TRIM33: variants seen among roughly 807,000 people sequenced by gnomAD.
TRIM33 encodes the protein tripartite motif containing 33.
Under a neutral mutation model 125.4 loss-of-function variants are expected in TRIM33, and 20 were observed. The ratio of observed to expected loss-of-function variants is 0.16; its 90% CI spans 0.11 to 0.23. The LOEUF (loss-of-function observed/expected upper bound fraction) is 0.23, where lower values mean the gene tolerates loss of function less well. TRIM33 is among the 10% of genes least tolerant of loss of function. The pLI is 1.00. For missense variants in TRIM33, 920 were observed against 1,411.4 expected (o/e 0.65, Z 5.58); for synonymous variants, 564 against 513.9 (o/e 1.10, Z -1.32).
In TRIM33 at chr1:114,393,726, T is replaced by C. The variant is rs1190220678; in HGVS notation, c.*3922A>G. 4.7e-6 allele frequency: 1 copy of C among 211,980 alleles called. No individual in the cohort carries two copies. The highest frequency in any genetic ancestry group is 7.1e-5 in the East Asian group (1 of 14,076). 13.1% of individuals were successfully genotyped at this position (211,980 alleles called of 1,614,324 possible). A position where few individuals can be genotyped will look rare whatever the true frequency, so the allele number is the denominator to read the frequency against. On this transcript the variant is annotated 3_prime_UTR_variant, in exon 20 of 20. Transcript: ENST00000358465. Reference sequence around the variant, plus strand: ...AAATGTCTATGTAAACTGTGGCATATAAATTTTTTTCCTTAAAAAAGTACC... The same window carrying C: ...AAATGTCTATGTAAACTGTGGCATACAAATTTTTTTCCTTAAAAAAGTACC...
chr1:114,411,448 A>G (rs1652582382), intron 11 of TRIM33, among the ~76,000 whole-genome samples: 1 of 152,210 alleles, frequency 6.6e-6, no homozygotes, highest in African/African-American at 2.4e-5. Context: ...TTGGCCAAGG[A>G]TGCACTTGCA....
At chr1:114,465,691 C>A (rs1413445430) in intron 1 of TRIM33, among the ~76,000 whole-genome samples, 1 of 151,860 alleles carries the variant, frequency 6.6e-6, no homozygotes, top group African/African-American at 2.4e-5. Context: ...ATATTTAAAA[C>A]AAAATACTGT....
intron 4 of TRIM33, among the ~76,000 whole-genome samples, chr1:114,436,010 C>T (rs1458939364): frequency 1.3e-5 from 2 of 149,592 alleles, no homozygotes; most frequent in Admixed American, 6.7e-5. Context: ...ATTACAGACA[C>T]GAGCCACCAC....
At chr1:114,434,816 C>T (rs931539888) in intron 4 of TRIM33, among the ~76,000 whole-genome samples, 1 of 152,142 alleles carries the variant, frequency 6.6e-6, no homozygotes, top group Non-Finnish European at 1.5e-5. Context: ...CTGCCTAAAT[C>T]GGCCTCAATA....
At chr1:114,437,762 T>C (rs1405338553) in intron 4 of TRIM33, among the ~76,000 whole-genome samples, 6 of 152,226 alleles carry the variant, frequency 3.9e-5, no homozygotes, top group Non-Finnish European at 8.8e-5. Flanking sequence ...GTAAAACTTT[T>C]TGTGCTTCTG....
At chr1:114,420,656 A>T (rs1051447561) in intron 11 of TRIM33, among the ~76,000 whole-genome samples, 3 of 152,142 alleles carry the variant, frequency 2.0e-5, no homozygotes. Flanking sequence ...TTTTTTGTTT[A>T]ACTGGCAAAT....
At chr1:114,428,958 G>A (rs947696966) in intron 6 of TRIM33, among the ~76,000 whole-genome samples, 2 of 151,506 alleles carry the variant, frequency 1.3e-5, no homozygotes, top group African/African-American at 2.4e-5. Context: ...AGGCTCAAGG[G>A]ATCTTAAGAA....
At chr1:114,428,509 C>A (rs910429716) in intron 6 of TRIM33, among the ~76,000 whole-genome samples, 9 of 152,130 alleles carry the variant, frequency 5.9e-5, no homozygotes, top group African/African-American at 2.2e-4. Flanking sequence ...CTAAAATCAC[C>A]CCAGGAGGGA....
chr1:114,469,310 T>A (rs1650495867), intron 1 of TRIM33: 1 of 184,334 alleles, frequency 5.4e-6, no homozygotes, highest in South Asian at 1.4e-4. Context: ...TTTTACAACG[T>A]GTGTTGTGGA....
At chr1:114,408,777 A>G (rs768200630) in intron 12 of TRIM33, 37 bp from the exon 13 acceptor site, 3 of 1,353,262 alleles carry the variant, frequency 2.2e-6, no homozygotes, top group African/African-American at 2.9e-5. Context: ...ATCAATGCAT[A>G]TAAGAATATT....
Position 114,510,979 on chromosome 1 carries a change from T to C in TRIM33, c.98A>G (p.Glu33Gly), listed in dbSNP as rs1290607653. The change falls in exon 1 of 20, where the codon GAG (glutamate) becomes GGG (glycine). Residue 33 changes from glutamate to glycine, a missense_variant. This residue lies in a region of TRIM33 where 233 missense variants were observed against 189.6 expected (regional missense o/e 1.23). Transcript: ENST00000358465. ...TAGAAGPAAQEAEPPLTAVLV... is the reference protein window; with the variant it reads ...TAGAAGPAAQGAEPPLTAVLV... ...CACCGCGGTGAGAGGCGGCTCCGCC[T>C]CCTGCGCGGCGGGCCCGGCGGCCCC... 5 of 1,353,584 alleles carry C rather than the reference T, an allele frequency of 3.7e-6. No individual in the cohort carries two copies. In the Admixed American group the frequency reaches 1.3e-4, roughly 35 times the overall value. 83.8% of individuals were successfully genotyped at this position (1,353,584 alleles called of 1,614,324 possible).
At chr1:114,481,033 G>A (rs1291310824) in intron 1 of TRIM33, among the ~76,000 whole-genome samples, 2 of 152,028 alleles carry the variant, frequency 1.3e-5, no homozygotes, top group African/African-American at 2.4e-5. Context: ...TTAGCCAGGT[G>A]TGGTGGCGCA....
At chr1:114,435,877 CTTTT>C (rs34327766) in intron 4 of TRIM33, among the ~76,000 whole-genome samples, 5 of 73,338 alleles carry the variant, frequency 6.8e-5, no homozygotes, top group South Asian at 5.8e-4. Flanking sequence ...TAGACACCCG[CTTTT>C]TTTTTTTTTT....
intron 1 of TRIM33, among the ~76,000 whole-genome samples, chr1:114,473,052 A>C (rs1003053654): frequency 1.2e-4 from 18 of 151,910 alleles, no homozygotes; most frequent in Admixed American, 1.2e-3. Context: ...GTCAAGAGAT[A>C]GAGACCATCC....
At chr1:114,449,202 C>T (rs1649171253) in intron 4 of TRIM33, among the ~76,000 whole-genome samples, 1 of 151,924 alleles carries the variant, frequency 6.6e-6, no homozygotes. Flanking sequence ...TACCTCCAGG[C>T]CCAGTCATAC....
Position 114,397,589 on chromosome 1 carries a change from G to GGT in TRIM33, c.*58_*59insAC, listed in dbSNP as rs1651608861. The GGT allele has an allele frequency of 2.5e-5, 16 of 640,656 alleles. No homozygotes were observed. The highest frequency in any genetic ancestry group is 5.5e-5 in the African/African-American group (2 of 36,472). The allele number at this position is 640,656 out of a possible 1,614,324, so 39.7% of individuals were successfully genotyped here. A position where few individuals can be genotyped will look rare whatever the true frequency, so the allele number is the denominator to read the frequency against. On this transcript the variant is annotated 3_prime_UTR_variant, in exon 20 of 20. Transcript: ENST00000358465. ...CTTAAAAGTTTTCTGGGTTTTTTGT[G>GGT]TTTTTTTTTTTTTTTTCGTTTTTTT...
chr1:114,415,541 A>G (rs1327350799), intron 11 of TRIM33, among the ~76,000 whole-genome samples: 2 of 151,560 alleles, frequency 1.3e-5, no homozygotes, highest in Non-Finnish European at 2.9e-5. Flanking sequence ...TATCTCATAT[A>G]AAGTTTATTC....
At chr1:114,471,190 T>G (rs1260168930) in intron 1 of TRIM33, among the ~76,000 whole-genome samples, 2 of 152,224 alleles carry the variant, frequency 1.3e-5, no homozygotes, top group African/African-American at 2.4e-5. Context: ...GGCTCCCACC[T>G]GTAATTCCAG....
intron 11 of TRIM33, chr1:114,420,565 A>G (rs980874308): frequency 9.4e-5 from 48 of 511,458 alleles, no homozygotes; most frequent in African/African-American, 8.9e-4. Flanking sequence ...ACGACCTTCA[A>G]TTCCCCAGAA....
Sources: allele counts gnomAD v4.1 joint callset (sites outside exome capture counted in the v4.1 genomes callset), GRCh38; gene constraint gnomAD v4.1.1; regional missense constraint gnomAD v4.1.1; transcripts MANE v1.5; gene names NCBI Gene and HGNC (gene_info 2026-07-23, HGNC 2026-07-21).